RNF41: variants seen among roughly 807,000 people sequenced by gnomAD.
The protein encoded by RNF41 is ring finger protein 41.
Under a neutral mutation model 33.0 loss-of-function variants are expected in RNF41, and 4 were observed. The ratio of observed to expected loss-of-function variants is 0.12; its 90% CI spans 0.06 to 0.28. RNF41 has a LOEUF of 0.28. RNF41 is among the 10% of genes least tolerant of loss of function. RNF41 has a pLI of 1.00. For synonymous variants in RNF41, 164 were observed against 153.2 expected, an observed-to-expected ratio of 1.07 and a Z score of -0.52; for missense variants, 228 against 432.6, an observed-to-expected ratio of 0.53 and a Z score of 4.19.
At chr12:56,219,050 T>G (rs1180130846) in intron 1 of RNF41, among the ~76,000 whole-genome samples, 1 of 151,206 alleles carries the variant, frequency 6.6e-6, no homozygotes, top group Non-Finnish European at 1.5e-5. Flanking sequence ...TCGCTCAGGA[T>G]GGAGTGCAGT....
Position 56,208,256 on chromosome 12 carries a change from A to G in RNF41, c.405T>C (p.Ile135=). 1 of 1,614,162 alleles carries G rather than the reference A, an allele frequency of 6.2e-7. No homozygotes were observed. Among genetic ancestry groups the G allele is most frequent in the Non-Finnish European group, 8.5e-7 (1 of 1,180,038 alleles). The part of the protein sequence containing the change: ...PKDELPNHNC[I]KHLRSVVQQQ... ...GCTGTACCACTGAGCGCAGGTGCTT[A>G]ATGCAGTTATGGTTGGGCAGCTCAT... is the stretch of plus-strand genomic sequence containing the variant. The change falls in exon 5 of 7, where the codon ATT becomes ATC. Residue 135 remains isoleucine (I), a synonymous_variant. Transcript: ENST00000345093.
rs186665005 is a variant in RNF41 at position 56,216,628 on chromosome 12, A to C, written c.-208-15T>G. 6.6e-6 allele frequency: 1 copy of C among 152,424 alleles called. No individual in the cohort carries two copies. The highest frequency in any genetic ancestry group is 2.4e-5 in the African/African-American group (1 of 41,592). The allele number at this position is 152,424 out of a possible 1,614,324, so 9.4% of individuals were successfully genotyped here. The stretch of plus-strand genomic sequence containing the variant: ...TCAGGAGTACTCTAGTAATAGGAAC[A>C]AGGAAGAGAAAGGAGAGTCAGGAGA... On this transcript the variant is annotated splice_polypyrimidine_tract_variant and intron_variant, in intron 1 of 6. Transcript: ENST00000345093.
At chr12:56,216,869 G>T (rs1229011349) in intron 1 of RNF41, among the ~76,000 whole-genome samples, 1 of 152,200 alleles carries the variant, frequency 6.6e-6, no homozygotes, top group East Asian at 1.9e-4. Flanking sequence ...GGCCGGGCGT[G>T]GTGGCTCACG....
At chr12:56,218,211 C>T (rs928069656) in intron 1 of RNF41, among the ~76,000 whole-genome samples, 18 of 151,872 alleles carry the variant, frequency 1.2e-4, no homozygotes, top group African/African-American at 3.6e-4. Context: ...GCCTCAGCCT[C>T]CCAAAATGCT....
At chr12:56,216,908 A>G (rs1868934461) in intron 1 of RNF41, among the ~76,000 whole-genome samples, 1 of 152,194 alleles carries the variant, frequency 6.6e-6, no homozygotes, top group Non-Finnish European at 1.5e-5. Context: ...AGGGAGGCCA[A>G]GGCGGGTGGA....
Position 56,202,792 on chromosome 12 carries a change from G to A in RNF41, c.*3655C>T, listed in dbSNP as rs1878645318. ...CATAAGCCTCCTCATGTTCACTCTA[G>A]TGAGTATCTCACAGGGCAGACATTC... On this transcript the variant is annotated 3_prime_UTR_variant, in exon 7 of 7. Coordinates refer to ENST00000345093, the MANE Select transcript of RNF41 (RefSeq NM_005785.4). 1 of 152,160 alleles carries A rather than the reference G, an allele frequency of 6.6e-6. No homozygotes were observed. Among genetic ancestry groups the A allele is most frequent in the Non-Finnish European group, 1.5e-5 (1 of 68,038 alleles). The allele number at this position is 152,160 out of a possible 1,614,324, so 9.4% of individuals were successfully genotyped here. A position where few individuals can be genotyped will look rare whatever the true frequency, so the allele number is the denominator to read the frequency against.
intron 3 of RNF41, among the ~76,000 whole-genome samples, chr12:56,210,897 C>T (rs959440777): frequency 3.3e-5 from 5 of 152,006 alleles, no homozygotes; most frequent in Admixed American, 1.3e-4. Context: ...AAAAATTAGC[C>T]GGGCATAGGC....
intron 4 of RNF41, 102 bp downstream of exon 4, chr12:56,210,195 C>A: frequency 7.7e-7 from 1 of 1,299,056 alleles, no homozygotes; most frequent in South Asian, 1.4e-5. Context: ...TCCTTGCCAA[C>A]ATGCCAAAGA....
At chr12:56,218,143 G>C (rs916714516) in intron 1 of RNF41, among the ~76,000 whole-genome samples, 1 of 151,668 alleles carries the variant, frequency 6.6e-6, no homozygotes, top group African/African-American at 2.4e-5. Context: ...TAGTAGAGAC[G>C]GGGTTTCACC....
intron 1 of RNF41, among the ~76,000 whole-genome samples, chr12:56,217,133 C>A (rs1377013421): frequency 6.7e-6 from 1 of 148,424 alleles, no homozygotes; most frequent in Non-Finnish European, 1.5e-5. Context: ...CAGCAAGACT[C>A]CGTCTTAAAA....
In RNF41 at chr12:56,211,598, G is replaced by T. The variant is rs558017251; in HGVS notation, c.91-1030C>A. ...ACGGCAGGTATTTATGAAGAGGACA[G>T]AATTTGATATGGGTCTTGAAGGATA... On this transcript the variant is annotated intron_variant, in intron 3 of 6. Coordinates refer to ENST00000345093, the MANE Select transcript of RNF41 (RefSeq NM_005785.4). 4.6e-5 allele frequency among the ~76,000 whole-genome samples: 7 copies of T among 152,236 alleles called. No homozygotes were observed. In the South Asian group the frequency reaches 1.4e-3, roughly 32 times the overall value.
intron 5 of RNF41, 29 bp from the exon 6 acceptor site, chr12:56,207,778 T>C: frequency 4.5e-6 from 7 of 1,557,222 alleles, no homozygotes; most frequent in South Asian, 1.1e-5. Context: ...ACAGGAATAA[T>C]GGTTAAGGCA....
intron 1 of RNF41, among the ~76,000 whole-genome samples, chr12:56,220,506 C>T (rs140245868): frequency 1.3e-5 from 2 of 151,832 alleles, no homozygotes; most frequent in African/African-American, 2.4e-5. Context: ...CGTGAGCCAC[C>T]GCGCCCGGCT....
At chr12:56,215,313 C>A (rs549638680) in intron 2 of RNF41, among the ~76,000 whole-genome samples, 196 of 152,226 alleles carry the variant, frequency 1.3e-3, no homozygotes, top group African/African-American at 3.9e-3. Flanking sequence ...GATAATAGTT[C>A]CATTTTAGAA....
chr12:56,210,643 A>G, intron 3 of RNF41, 75 bp from the exon 4 acceptor site: 1 of 1,464,240 alleles, frequency 6.8e-7, no homozygotes, highest in Non-Finnish European at 9.3e-7. Context: ...ATATAACTCT[A>G]CAAAGCCAAT....
intron 2 of RNF41, among the ~76,000 whole-genome samples, chr12:56,214,397 G>C (rs1266405299): frequency 6.6e-6 from 1 of 151,124 alleles, no homozygotes; most frequent in Admixed American, 6.6e-5. Context: ...ATGCGCATCT[G>C]TAATCCCAGC....
chr12:56,213,270 G>A (rs1330461383), intron 3 of RNF41: 5 of 488,122 alleles, frequency 1.0e-5, no homozygotes, highest in South Asian at 2.1e-5. Context: ...GCACAATCTC[G>A]GCTCACTGCA....
Position 56,206,866 on chromosome 12 carries a change from A to T in RNF41, c.603-68T>A. On this transcript the variant is annotated intron_variant, in intron 6 of 6. Coordinates refer to ENST00000345093, the MANE Select transcript of RNF41 (RefSeq NM_005785.4). The surrounding 1 kb of genome is among the most constrained non-coding windows in gnomAD (Gnocchi z 5.7). The stretch of plus-strand genomic sequence containing the variant: ...TTTCTCTGTATTGGCTTTTTCTGCT[A>T]ATAGAAATAACTACCCACTCTGCAC... The T allele has an allele frequency of 8.3e-7, 1 of 1,211,834 alleles. No homozygotes were observed. The highest frequency in any genetic ancestry group is 2.5e-5 in the Admixed American group (1 of 39,760). 75.1% of individuals were successfully genotyped at this position (1,211,834 alleles called of 1,614,324 possible).
Position 56,203,974 on chromosome 12 carries a change from G to C in RNF41, c.*2473C>G, listed in dbSNP as rs1307319772. 6.6e-6 allele frequency: 1 copy of C among 151,940 alleles called. No individual in the cohort carries two copies. Among genetic ancestry groups the C allele is most frequent in the Non-Finnish European group, 1.5e-5 (1 of 68,020 alleles). The allele number at this position is 151,940 out of a possible 1,614,324, so 9.4% of individuals were successfully genotyped here. A position where few individuals can be genotyped will look rare whatever the true frequency, so the allele number is the denominator to read the frequency against. On this transcript the variant is annotated 3_prime_UTR_variant, in exon 7 of 7. Coordinates refer to ENST00000345093, the MANE Select transcript of RNF41 (RefSeq NM_005785.4). ...CCCACCTCGGCCTCCCAAAGTGCTGGGATTACAGGCGTGAGCCACCGCGCC... is the reference window on the plus strand; with the variant it reads ...CCCACCTCGGCCTCCCAAAGTGCTGCGATTACAGGCGTGAGCCACCGCGCC...
Sources: gnomAD v4.1 joint callset for allele counts (sites outside exome capture counted in the v4.1 genomes callset) on GRCh38, gnomAD v4.1.1 for gene constraint, Gnocchi (gnomAD v3.1) non-coding constraint, MANE v1.5 for transcripts, NCBI Gene and HGNC (gene_info 2026-07-23, HGNC 2026-07-21) for gene names.